The following KCNJ15 variants were observed in gnomAD, a reference collection of about 807,000 sequenced individuals.
KCNJ15 encodes the protein potassium inwardly rectifying channel subfamily J member 15.
Under a neutral mutation model 23.0 loss-of-function variants are expected in KCNJ15, and 14 were observed. The ratio of observed to expected loss-of-function variants is 0.61; its 90% CI spans 0.40 to 0.95. The LOEUF (loss-of-function observed/expected upper bound fraction) is 0.95, where lower values mean the gene tolerates loss of function less well. KCNJ15 is among the 40% of genes least tolerant of loss of function. The probability of loss-of-function intolerance (pLI) is 0.00; values close to 1 mark genes in which losing one functional copy is unlikely to be tolerated. For synonymous variants in KCNJ15, 185 were observed against 183.2 expected, an observed-to-expected ratio of 1.01 and a Z score of -0.08; for missense variants, 388 against 461.8, an observed-to-expected ratio of 0.84 and a Z score of 1.46.
At chr21:38,289,234 T>G (rs1257784742) in intron 1 of KCNJ15, among the ~76,000 whole-genome samples, 1 of 150,270 alleles carries the variant, frequency 6.7e-6, no homozygotes, top group African/African-American at 2.4e-5. Context: ...AATACTTGCT[T>G]CTCTACCAGT....
rs1389909387 is a variant in KCNJ15, at chr21:38,302,057, C to G, written c.*1668C>G. On this transcript the variant is annotated 3_prime_UTR_variant, in exon 3 of 3. Coordinates refer to ENST00000398938, the MANE Select transcript of KCNJ15 (RefSeq NM_170736.3). ...GTAAACACATGCACACATGCACACA[C>G]GCGCACACATGCACACACGCACACA... 1 of 126,530 alleles carries G rather than the reference C, an allele frequency of 7.9e-6. No individual in the cohort carries two copies. The highest frequency in any genetic ancestry group is 1.5e-5 in the Non-Finnish European group (1 of 67,152). 7.8% of individuals were successfully genotyped at this position (126,530 alleles called of 1,614,324 possible).
intron 1 of KCNJ15, among the ~76,000 whole-genome samples, chr21:38,286,014 C>T (rs367643321): frequency 6.6e-6 from 1 of 152,144 alleles, no homozygotes; most frequent in South Asian, 2.1e-4. Context: ...GAGGCCGAGG[C>T]GGGCGGATCA....
chr21:38,262,220 T>C (rs907448582), intron 1 of KCNJ15, among the ~76,000 whole-genome samples: 51 of 152,330 alleles, frequency 3.3e-4, no homozygotes, highest in Non-Finnish European at 7.3e-5. Flanking sequence ...TGTCATCATT[T>C]GTACTCTTCC....
chr21:38,238,367 T>C, intron 1 of KCNJ15: 2 of 718,310 alleles, frequency 2.8e-6, no homozygotes, highest in Non-Finnish European at 5.2e-6. Context: ...GACAGGAAAC[T>C]CGAGGGGTCC....
chr21:38,279,779 T>C (rs567609084), intron 1 of KCNJ15, among the ~76,000 whole-genome samples: 1 of 152,308 alleles, frequency 6.6e-6, no homozygotes, highest in African/African-American at 2.4e-5. Flanking sequence ...AAACTCATTG[T>C]CTCTCCTCTC....
At chr21:38,289,983 G>A (rs552056853) in intron 1 of KCNJ15, among the ~76,000 whole-genome samples, 25 of 152,274 alleles carry the variant, frequency 1.6e-4, no homozygotes, top group African/African-American at 4.3e-4. Flanking sequence ...CCTCCGCTGC[G>A]GCACTCTCAC....
intron 1 of KCNJ15, among the ~76,000 whole-genome samples, chr21:38,295,076 C>G (rs963837628): frequency 1.3e-5 from 2 of 152,108 alleles, no homozygotes; most frequent in African/African-American, 4.8e-5. Flanking sequence ...TCTCATTTGC[C>G]CTGAGAATAC....
chr21:38,262,427 A>G (rs764713170), intron 1 of KCNJ15, among the ~76,000 whole-genome samples: 5 of 152,228 alleles, frequency 3.3e-5, no homozygotes, highest in African/African-American at 4.8e-5. Context: ...ACAAACATAC[A>G]AGTGACAAAA....
chr21:38,238,175 T>C, intron 1 of KCNJ15: 1 of 421,636 alleles, frequency 2.4e-6, no homozygotes, highest in Non-Finnish European at 4.5e-6. Flanking sequence ...CCTGAGTCTT[T>C]AGTCAGTTGG....
intron 1 of KCNJ15, among the ~76,000 whole-genome samples, chr21:38,291,919 A>C (rs533770810): frequency 6.6e-6 from 1 of 152,386 alleles, no homozygotes; most frequent in South Asian, 2.1e-4. Flanking sequence ...TACTTACTTC[A>C]GAGTCTATGT....
At chr21:38,248,022 C>T (rs1263659319) in intron 1 of KCNJ15, among the ~76,000 whole-genome samples, 1 of 152,252 alleles carries the variant, frequency 6.6e-6, no homozygotes, top group Non-Finnish European at 1.5e-5. Flanking sequence ...ATGTTCACTC[C>T]ATCCAGGTGC....
chr21:38,238,556 G>T (rs555691237), intron 1 of KCNJ15: 2 of 634,334 alleles, frequency 3.2e-6, no homozygotes, highest in East Asian at 3.6e-5. Context: ...TGCATGTGCT[G>T]GGAGAAGGCA....
At chr21:38,293,737 C>T (rs2836294) in intron 1 of KCNJ15, among the ~76,000 whole-genome samples, 1 of 141,224 alleles carries the variant, frequency 7.1e-6, no homozygotes, top group Non-Finnish European at 1.6e-5. Flanking sequence ...GGAAAAAGTG[C>T]TTTTGCAGAA....
chr21:38,281,264 T>A (rs1029403128), intron 1 of KCNJ15, among the ~76,000 whole-genome samples: 1 of 152,158 alleles, frequency 6.6e-6, no homozygotes, highest in Admixed American at 6.5e-5. Flanking sequence ...TCTAACAAAT[T>A]ACATATATTT....
At chr21:38,277,008 G>A (rs1445071380) in intron 1 of KCNJ15, among the ~76,000 whole-genome samples, 2 of 140,492 alleles carry the variant, frequency 1.4e-5, no homozygotes, top group Non-Finnish European at 3.1e-5. Context: ...TATGGTCTGA[G>A]AGTGTTTAGA....
chr21:38,288,171 G>C (rs1984181105), intron 1 of KCNJ15, among the ~76,000 whole-genome samples: 1 of 150,436 alleles, frequency 6.6e-6, no homozygotes, highest in African/African-American at 2.4e-5. Flanking sequence ...CTCCCGAGCA[G>C]CTGGGACTAC....
chr21:38,258,221 AAC>A (rs1980476719), intron 1 of KCNJ15, among the ~76,000 whole-genome samples: 1 of 152,204 alleles, frequency 6.6e-6, no homozygotes, highest in Non-Finnish European at 1.5e-5. Flanking sequence ...ACAAATATGA[AAC>A]AATCGGTAGT....
At chr21:38,262,745 C>G (rs1981046493) in intron 1 of KCNJ15, among the ~76,000 whole-genome samples, 1 of 150,706 alleles carries the variant, frequency 6.6e-6, no homozygotes, top group Non-Finnish European at 1.5e-5. Context: ...GTGATGTGAT[C>G]TTGGTTCACT....
chr21:38,242,629 C>A (rs1013376938), intron 1 of KCNJ15, among the ~76,000 whole-genome samples: 12 of 152,156 alleles, frequency 7.9e-5, no homozygotes, highest in African/African-American at 2.9e-4. Flanking sequence ...TCCTGACACA[C>A]GCCCAGCATC....
Sources: allele counts gnomAD v4.1 joint callset (sites outside exome capture counted in the v4.1 genomes callset), GRCh38; gene constraint gnomAD v4.1.1; transcripts MANE v1.5; gene names NCBI Gene and HGNC (gene_info 2026-07-23, HGNC 2026-07-21).